Variants in DHRS9 observed in about 807,000 individuals in gnomAD.
DHRS9 encodes the protein dehydrogenase/reductase SDR family member 9.
DHRS9 carries 18 observed loss-of-function variants against 26.6 expected under a neutral mutation model. The ratio of observed to expected loss-of-function variants is 0.68; its 90% CI spans 0.47 to 1.00. DHRS9 has a LOEUF of 1.00. Among genes scored for constraint, DHRS9 ranks in the 50% least tolerant of loss-of-function variants. The probability of loss-of-function intolerance (pLI) is 0.00; values close to 1 mark genes in which losing one functional copy is unlikely to be tolerated. For missense variants in DHRS9, 425 were observed against 378.7 expected, an observed-to-expected ratio of 1.12 and a Z score of -1.01; for synonymous variants, 134 against 141.1, an observed-to-expected ratio of 0.95 and a Z score of 0.36.
chr2:169,084,003 C>A (rs2105293923), intron 3 of DHRS9, among the ~76,000 whole-genome samples: 1 of 152,122 alleles, frequency 6.6e-6, no homozygotes, highest in African/African-American at 2.4e-5. Context: ...ACTACCCTCT[C>A]AAGCATCTAG....
intron 2 of DHRS9, among the ~76,000 whole-genome samples, chr2:169,082,849 G>A (rs1469580075): frequency 8.3e-5 from 11 of 132,722 alleles, no homozygotes; most frequent in Non-Finnish European, 1.1e-4. Context: ...CATGGACACA[G>A]GAAGGGGAAC....
chr2:169,096,149 A>G lies in DHRS9; in HGVS notation c.*382A>G, dbSNP rs2105308125. ...AAGTATCATCTCTTATCTAAATATT[A>G]AAAGATAAGTCAAACATTTTCATGA... On this transcript the variant is annotated 3_prime_UTR_variant, in exon 5 of 5. Transcript: ENST00000674881. 1 of 224,586 alleles carries G rather than the reference A, an allele frequency of 4.5e-6. No homozygotes were observed. Among genetic ancestry groups the G allele is most frequent in the East Asian group, 1.1e-4 (1 of 8,918 alleles). 13.9% of individuals were successfully genotyped at this position (224,586 alleles called of 1,614,324 possible).
At chr2:169,095,102 T>C (rs1684652377) in intron 4 of DHRS9, among the ~76,000 whole-genome samples, 1 of 152,114 alleles carries the variant, frequency 6.6e-6, no homozygotes, top group Non-Finnish European at 1.5e-5. Context: ...AAATTAGAAA[T>C]CAAACATACA....
chr2:169,068,751 A>G (rs1037574093), upstream of DHRS9, among the ~76,000 whole-genome samples: 3 of 152,224 alleles, frequency 2.0e-5, no homozygotes, highest in Non-Finnish European at 2.9e-5. Context: ...CTGGGAAATC[A>G]GAAGAGTATA....
intron 1 of DHRS9, among the ~76,000 whole-genome samples, chr2:169,075,304 C>T (rs948472468): frequency 3.3e-5 from 5 of 152,094 alleles, no homozygotes; most frequent in Non-Finnish European, 5.9e-5. Flanking sequence ...AATATTAACA[C>T]TTTACCACAT....
At chr2:169,074,295 GC>G in intron 1 of DHRS9, 1 of 985,404 alleles carries the variant, frequency 1.0e-6, no homozygotes, top group Non-Finnish European at 1.2e-6. Flanking sequence ...TTGTCCGAGG[GC>G]CCTCTGATGA....
At chr2:169,068,619 A>G (rs1057407523), upstream of DHRS9, among the ~76,000 whole-genome samples, 9 of 152,244 alleles carry the variant, frequency 5.9e-5, no homozygotes, top group South Asian at 1.7e-3. Context: ...AAGAAAAAAG[A>G]CCACTACTTA....
At chr2:169,068,509 A>G (rs1363988342), upstream of DHRS9, among the ~76,000 whole-genome samples, 1 of 152,154 alleles carries the variant, frequency 6.6e-6, no homozygotes, top group African/African-American at 2.4e-5. Flanking sequence ...TATTTTTAGT[A>G]GAGATGGGGT....
At chr2:169,091,071 T>C (rs966543648) in intron 3 of DHRS9, among the ~76,000 whole-genome samples, 8 of 152,020 alleles carry the variant, frequency 5.3e-5, no homozygotes, top group Admixed American at 1.3e-4. Flanking sequence ...TTTTTTGACA[T>C]AGGATATTTT....
chr2:169,092,199 A>G (rs922541784), intron 4 of DHRS9, among the ~76,000 whole-genome samples: 1 of 152,194 alleles, frequency 6.6e-6, no homozygotes, highest in Non-Finnish European at 1.5e-5. Context: ...TTACTCCTCA[A>G]AAACTATTAG....
intron 1 of DHRS9, among the ~76,000 whole-genome samples, chr2:169,077,505 A>C (rs1304177868): frequency 3.3e-5 from 5 of 152,124 alleles, no homozygotes; most frequent in Non-Finnish European, 2.9e-5. Flanking sequence ...GAAAATATTT[A>C]TTATTTCTAT....
At position 169,081,511 on chromosome 2, in the gene DHRS9, T is replaced by C; in HGVS notation, c.-59-12T>C. On this transcript the variant is annotated splice_polypyrimidine_tract_variant and intron_variant, in intron 1 of 4. Transcript: ENST00000674881. ...TCTAATTTGAATTTTCTTTTTCACTTTGAACACTCAGGACACCATCTTCTT... is the reference window on the plus strand; with the variant it reads ...TCTAATTTGAATTTTCTTTTTCACTCTGAACACTCAGGACACCATCTTCTT... The C allele has an allele frequency of 6.5e-7, 1 of 1,542,138 alleles. No homozygotes were observed. The highest frequency in any genetic ancestry group is 8.7e-7 in the Non-Finnish European group (1 of 1,149,648).
At chr2:169,076,607 G>C (rs1026842142) in intron 1 of DHRS9, among the ~76,000 whole-genome samples, 1 of 152,232 alleles carries the variant, frequency 6.6e-6, no homozygotes, top group East Asian at 1.9e-4. Context: ...GTTCATTCCA[G>C]CCTCTCCTTT....
At chr2:169,073,982 C>T (rs1366753779) in intron 1 of DHRS9, among the ~76,000 whole-genome samples, 1 of 152,176 alleles carries the variant, frequency 6.6e-6, no homozygotes, top group African/African-American at 2.4e-5. Flanking sequence ...AGGGGTGCTA[C>T]TGCTGACTAG....
chr2:169,070,802 T>C (rs962168436), intron 1 of DHRS9: 18 of 973,908 alleles, frequency 1.8e-5, no homozygotes, highest in Non-Finnish European at 2.1e-5. Context: ...CGGTGGCTCA[T>C]GCCTGTAATC....
chr2:169,095,007 A>G (rs763514091), intron 4 of DHRS9, among the ~76,000 whole-genome samples: 14 of 152,220 alleles, frequency 9.2e-5, no homozygotes, highest in Non-Finnish European at 1.8e-4. Flanking sequence ...ATACAAGTGC[A>G]CAATTACATC....
At chr2:169,083,713 T>C (rs1463769554) in intron 3 of DHRS9, 126 bp downstream of exon 3, 6 of 1,098,524 alleles carry the variant, frequency 5.5e-6, no homozygotes, top group Non-Finnish European at 7.6e-6. Context: ...TTTTTGTGGG[T>C]ACATAGTAGG....
intron 1 of DHRS9, chr2:169,074,505 G>A (rs1683902669): frequency 1.0e-6 from 1 of 954,058 alleles, no homozygotes; most frequent in Non-Finnish European, 1.2e-6. Flanking sequence ...GGACCAAGGG[G>A]CCGTGCAGAG....
chr2:169,081,946 T>C, intron 2 of DHRS9, 52 bp downstream of exon 2: 1 of 1,500,932 alleles, frequency 6.7e-7, no homozygotes, highest in South Asian at 1.3e-5. Flanking sequence ...GATAGGGAGG[T>C]AACCAAAGCT....
Sources: allele counts gnomAD v4.1 joint callset (sites outside exome capture counted in the v4.1 genomes callset), GRCh38; gene constraint gnomAD v4.1.1; transcripts MANE v1.5; gene names NCBI Gene and HGNC (gene_info 2026-07-23, HGNC 2026-07-21).